The following TENM1 variants were observed in gnomAD, a reference collection of about 807,000 sequenced individuals.
TENM1 encodes teneurin transmembrane protein 1.
In TENM1, 35 loss-of-function variants were observed where a neutral mutation model predicts 174.8. The observed-to-expected ratio is 0.20, with a 90% CI of 0.15 to 0.27. The LOEUF (loss-of-function observed/expected upper bound fraction) is 0.27. Ranked by LOEUF, TENM1 falls within the 10% of genes least tolerant of loss-of-function variation. The pLI is 1.00. For missense variants in TENM1, 1,633 were observed against 2,130.1 expected (o/e 0.77, Z 4.59); for synonymous variants, 781 against 798.7 (o/e 0.98, Z 0.37).
At chrX:124,984,122 G>A in the TENM1 span, among the ~76,000 whole-genome samples, 1 of 112,106 alleles carries the variant, frequency 8.9e-6, no homozygotes, top group Non-Finnish European at 1.9e-5. Context: ...GTGTGTGCAC[G>A]CATATACATA....
At chrX:124,478,627 G>T (rs1009808506) in intron 22 of TENM1, among the ~76,000 whole-genome samples, 7 of 111,996 alleles carry the variant, frequency 6.3e-5, no homozygotes, top group African/African-American at 2.3e-4. Flanking sequence ...GTCTTGGAGC[G>T]AGCAAGCTCT....
chrX:124,384,609 T>C (rs1454822965), exon 30 of TENM1: 3 of 1,209,429 alleles, frequency 2.5e-6, no homozygotes, highest in Non-Finnish European at 3.4e-6. Flanking sequence ...GCACTGAAGA[T>C]TTTGGTGTGT....
intron 20 of TENM1, among the ~76,000 whole-genome samples, chrX:124,490,625 A>G (rs1303602436): frequency 8.9e-6 from 1 of 112,393 alleles, no homozygotes; most frequent in Non-Finnish European, 1.9e-5. Context: ...TGTTGAATCC[A>G]AATTACTCAA....
chrX:124,894,035 A>C (rs1258320199), intron 3 of TENM1, among the ~76,000 whole-genome samples: 1 of 111,607 alleles, frequency 9.0e-6, no homozygotes, highest in East Asian at 2.8e-4. Flanking sequence ...AGGTTAAATA[A>C]ATGTTTTCTC....
At chrX:124,862,584 C>A (rs2056933704) in intron 3 of TENM1, among the ~76,000 whole-genome samples, 1 of 111,144 alleles carries the variant, frequency 9.0e-6, no homozygotes, top group Middle Eastern at 4.2e-3. Context: ...CCAGCCCTAG[C>A]CAGGGAGGGA....
intron 29 of TENM1, 123 bp from the exon 33 acceptor site, chrX:124,384,977 ATCTCTGATATCAAATGCCT>A: frequency 1.8e-6 from 1 of 561,023 alleles, no homozygotes; most frequent in Non-Finnish European, 2.6e-6. Flanking sequence ...TTAGAGACTG[ATCTCTGATATCAAATGCCT>A]GGGCATATTA....
chrX:124,624,076 TCACTA>T (rs1284484412), intron 11 of TENM1, among the ~76,000 whole-genome samples: 1 of 112,090 alleles, frequency 8.9e-6, no homozygotes. Context: ...CATTTAATCT[TCACTA>T]CAACCTTGCA....
chrX:124,556,431 G>GC (rs911192382), intron 14 of TENM1, among the ~76,000 whole-genome samples: 2 of 111,028 alleles, frequency 1.8e-5, no homozygotes, highest in Non-Finnish European at 3.8e-5. Context: ...TTTTTGGAGG[G>GC]CCAAAGAACG....
rs771315940 is a variant in TENM1 at position 124,756,137 on chromosome X, A to G, written c.536-18940T>C. ...ACTTTCAGGTACACCAATCAGACGT[A>G]GATTTGGTCTTTTCACATAGTCCCA... On this transcript the variant is annotated intron_variant, in intron 3 of 31. Transcript: ENST00000422452. 8.5e-3 allele frequency among the ~76,000 whole-genome samples: 882 copies of G among 104,339 alleles called. 12 individuals are homozygous for G. Among genetic ancestry groups the G allele is most frequent in the African/African-American group, 0.032 (836 of 25,974 alleles). The allele number at this position is 104,339 out of a possible 115,157, so 90.6% of individuals were successfully genotyped here.
the TENM1 span, among the ~76,000 whole-genome samples, chrX:125,032,322 A>G: frequency 9.1e-6 from 1 of 110,201 alleles, no homozygotes; most frequent in African/African-American, 3.3e-5. Context: ...GGCATGAGCC[A>G]CCACACCCGG....
the TENM1 span, among the ~76,000 whole-genome samples, chrX:125,051,065 G>C: frequency 9.0e-6 from 1 of 111,423 alleles, no homozygotes; most frequent in Admixed American, 9.5e-5. Context: ...CAGACAGAGA[G>C]CCAAATCATG....
chrX:124,925,482 C>T (rs138567518), intron 1 of TENM1, among the ~76,000 whole-genome samples: 1 of 112,038 alleles, frequency 8.9e-6, no homozygotes, highest in Non-Finnish European at 1.9e-5. Flanking sequence ...ACATGTTTAG[C>T]ATGTTTCACT....
intron 4 of TENM1, among the ~76,000 whole-genome samples, chrX:124,715,926 A>G (rs112644198): frequency 4.2e-4 from 47 of 111,909 alleles, no homozygotes; most frequent in African/African-American, 1.4e-3. Context: ...TTTCAAATTA[A>G]TTACAAAGAA....
At chrX:125,155,896 G>A in the TENM1 span, among the ~76,000 whole-genome samples, 4 of 112,670 alleles carry the variant, frequency 3.6e-5, no homozygotes, top group Non-Finnish European at 5.6e-5. Context: ...GCCAGCCCAG[G>A]AAGGGGCCCC....
At chrX:125,057,979 T>C in the TENM1 span, among the ~76,000 whole-genome samples, 3 of 111,671 alleles carry the variant, frequency 2.7e-5, no homozygotes, top group Non-Finnish European at 3.8e-5. Flanking sequence ...GTATTTTCTA[T>C]TGTACAATCC....
intron 1 of TENM1, among the ~76,000 whole-genome samples, chrX:124,958,119 A>G (rs2058604779): frequency 9.0e-6 from 1 of 111,642 alleles, no homozygotes; most frequent in African/African-American, 3.3e-5. Flanking sequence ...AAGCCTGCCT[A>G]GGGCTCATTC....
At chrX:124,884,685 T>A (rs967193414) in intron 3 of TENM1, among the ~76,000 whole-genome samples, 6 of 111,909 alleles carry the variant, frequency 5.4e-5, no homozygotes, top group African/African-American at 2.0e-4. Flanking sequence ...CCATAGATGA[T>A]GTATTTGAAG....
intron 3 of TENM1, among the ~76,000 whole-genome samples, chrX:124,764,967 A>G (rs1042781801): frequency 9.1e-6 from 1 of 109,477 alleles, no homozygotes; most frequent in Non-Finnish European, 1.9e-5. Context: ...TTTGCATCCT[A>G]CTCTTCTGAG....
chrX:124,652,239 G>A (rs919629236), intron 7 of TENM1, 115 bp from the exon 11 acceptor site: 92 of 916,119 alleles, frequency 1.0e-4, no homozygotes, highest in Admixed American at 3.7e-5. Context: ...GAGCAAATTG[G>A]AAGAGGAGGT....
Sources: allele counts gnomAD v4.1 joint callset (sites outside exome capture counted in the v4.1 genomes callset), GRCh38; gene constraint gnomAD v4.1.1; transcripts MANE v1.5; gene names NCBI Gene and HGNC (gene_info 2026-07-23, HGNC 2026-07-21).